Variants in CXXC1 observed in about 807,000 individuals in gnomAD.
The protein encoded by CXXC1 is CXXC-type zinc finger protein 1.
CXXC1 carries 21 observed loss-of-function variants against 83.6 expected under a neutral mutation model. The observed-to-expected ratio is 0.25, with a 90% confidence interval of 0.18 to 0.36. The LOEUF (loss-of-function observed/expected upper bound fraction) is 0.36. Among genes scored for constraint, CXXC1 ranks in the 10% least tolerant of loss-of-function variants. CXXC1 has a pLI of 1.00. For synonymous variants in CXXC1, 371 were observed against 337.5 expected, an observed-to-expected ratio of 1.10 and a Z score of -1.09; for missense variants, 688 against 919.5, an observed-to-expected ratio of 0.75 and a Z score of 3.26.
In CXXC1 at chr18:50,283,881, C is replaced by A. The variant is rs3819217; in HGVS notation, c.1413+13G>T. ...AGTACAGGCCCTGCTCTGCTGCGCCCCTGCTTGCTCACCTCCTCATCCTCG... is the reference window on the plus strand; with the variant it reads ...AGTACAGGCCCTGCTCTGCTGCGCCACTGCTTGCTCACCTCCTCATCCTCG... On this transcript the variant is annotated intron_variant, in intron 10 of 14. Transcript: ENST00000285106. 3.1e-6 allele frequency: 5 copies of A among 1,613,820 alleles called. No individual in the cohort carries two copies. The highest frequency in any genetic ancestry group is 1.7e-5 in the Admixed American group (1 of 60,010).
chr18:50,282,548 T>TC lies in CXXC1; in HGVS notation c.*44dup. On this transcript the variant is annotated 3_prime_UTR_variant, in exon 15 of 15. Transcript: ENST00000285106. This position sits in a 1 kb window ranked among gnomAD's most constrained non-coding sequence, Gnocchi z 5.8. ...AACGGACACACGGGCACCGGGCGGCTCCCCCATCTGGAATGCAGGGTGTAA... is the reference window on the plus strand; with the variant it reads ...AACGGACACACGGGCACCGGGCGGCTCCCCCCATCTGGAATGCAGGGTGTAA... 1.3e-6 allele frequency: 2 copies of TC among 1,595,402 alleles called. No individual in the cohort carries two copies. The highest frequency in any genetic ancestry group is 1.7e-6 in the Non-Finnish European group (2 of 1,176,384).
chr18:50,283,681 G>A (rs765769723), intron 11 of CXXC1, 24 bp downstream of exon 11: 22 of 1,610,942 alleles, frequency 1.4e-5, no homozygotes, highest in South Asian at 7.7e-5. Context: ...CACATGGTCC[G>A]CCCCCTCAGT....
Position 50,283,821 on chromosome 18 carries a change from T to C in CXXC1, c.1414-6A>G. Reference sequence around the variant, plus strand: ...TCACTGTCACCCTCGTTGCTCTGCATGGAATGGAAGGAACAATAAGGCTGG... The same window carrying C: ...TCACTGTCACCCTCGTTGCTCTGCACGGAATGGAAGGAACAATAAGGCTGG... On this transcript the variant is annotated splice_polypyrimidine_tract_variant and splice_region_variant and intron_variant, in intron 10 of 14. Coordinates refer to ENST00000285106, the MANE Select transcript of CXXC1 (RefSeq NM_014593.4). 1 of 1,614,116 alleles carries C rather than the reference T, an allele frequency of 6.2e-7. No homozygotes were observed. The highest frequency in any genetic ancestry group is 1.1e-5 in the South Asian group (1 of 91,086).
rs1422762733 is a variant in CXXC1, at chr18:50,283,815, T to G, written c.1414A>C (p.Ser472Arg). The stretch of plus-strand genomic sequence containing the variant: ...GTGTCATCACTGTCACCCTCGTTGC[T>G]CTGCATGGAATGGAAGGAACAATAA... ...KQQAVREDEE[S>R]NEGDSDDTDL... is the part of the protein sequence containing the mutation. The change falls in exon 11 of 15, where the codon AGC (serine) becomes CGC (arginine). Residue 472 changes from serine to arginine, a missense_variant and splice_region_variant. Physicochemically the swap from Ser to Arg is moderately radical, Grantham distance 110. Transcript: ENST00000285106. 6.2e-7 allele frequency: 1 copy of G among 1,614,172 alleles called. No homozygotes were observed. Among genetic ancestry groups the G allele is most frequent in the Admixed American group, 1.7e-5 (1 of 60,030 alleles).
At chr18:50,284,666 C>G (rs532077826) in intron 8 of CXXC1, 66 bp downstream of exon 8, 2 of 1,610,088 alleles carry the variant, frequency 1.2e-6, no homozygotes, top group East Asian at 2.2e-5. Flanking sequence ...CATTCAGCCT[C>G]TGACCTCTGC....
intron 1 of CXXC1, 69 bp downstream of exon 1, chr18:50,287,518 C>T: frequency 1.9e-6 from 3 of 1,587,144 alleles, no homozygotes; most frequent in Non-Finnish European, 2.6e-6. Context: ...CCTGAGTCGG[C>T]CGACAGACCC....
chr18:50,286,843 C>A lies in CXXC1; in HGVS notation c.19G>T (p.Asp7Tyr). 6.2e-7 allele frequency: 1 copy of A among 1,613,112 alleles called. No homozygotes were observed. Among genetic ancestry groups the A allele is most frequent in the Non-Finnish European group, 8.5e-7 (1 of 1,179,154 alleles). ...TCCCCGGCATCTGGAGGCTCTGGGT[C>A]TGAACCATCTCCCTCCTGCAGGACA... is the stretch of plus-strand genomic sequence containing the variant. Reference protein sequence around the residue: MEGDGSDPEPPDAGEDS... With the variant: MEGDGSYPEPPDAGEDS... Residue 7 changes from aspartate (D) to tyrosine (Y), a missense_variant, in exon 2 of 15, where the codon GAC becomes TAC. Around this residue, in one of 9 missense-constraint regions of CXXC1, gnomAD observed 51 missense variants for 48.0 expected, o/e 1.06. Transcript: ENST00000285106.
At position 50,285,732 on chromosome 18, in the gene CXXC1, G is replaced by A; in HGVS notation, c.639+17C>T. 6.2e-7 allele frequency: 1 copy of A among 1,609,454 alleles called. No homozygotes were observed. Among genetic ancestry groups the A allele is most frequent in the South Asian group, 1.1e-5 (1 of 90,998 alleles). On this transcript the variant is annotated intron_variant, in intron 5 of 14. Coordinates refer to ENST00000285106, the MANE Select transcript of CXXC1 (RefSeq NM_014593.4). The surrounding 1 kb of genome is among the most constrained non-coding windows in gnomAD (Gnocchi z 4.4). ...GCTCTCCCACACCTGACCCTACCCAGCTCTGTCCATGCTCACCCGGGCCCG... is the reference window on the plus strand; with the variant it reads ...GCTCTCCCACACCTGACCCTACCCAACTCTGTCCATGCTCACCCGGGCCCG...
At position 50,286,785 on chromosome 18, in the gene CXXC1, G is replaced by A; in HGVS notation, c.77C>T (p.Pro26Leu). Residue 26 changes from proline (P) to leucine (L), a missense_variant, in exon 2 of 15, where the codon CCC (proline) becomes CTC (leucine). By Grantham distance (98) the Pro-to-Leu change is moderately conservative. This residue lies in a region of CXXC1 where 51 missense variants were observed against 48.0 expected (regional missense o/e 1.06). Coordinates refer to ENST00000285106, the MANE Select transcript of CXXC1 (RefSeq NM_014593.4). ...DSKSENGENA[P>L]IYCICRKPDI... ...CGGTTTGCGGCAGATGCAGTAGATG[G>A]GCGCATTCTCCCCATTCTCGGACTT... 1.2e-6 allele frequency: 2 copies of A among 1,614,122 alleles called. No homozygotes were observed. Among genetic ancestry groups the A allele is most frequent in the Non-Finnish European group, 1.7e-6 (2 of 1,179,998 alleles).
Position 50,286,864 on chromosome 18 carries a change from G to A in CXXC1, c.4-6C>T, listed in dbSNP as rs1203121946. On this transcript the variant is annotated splice_polypyrimidine_tract_variant and splice_region_variant and intron_variant, in intron 1 of 14. Transcript: ENST00000285106. ...GGGTCTGAACCATCTCCCTCCTGCA[G>A]GACACCCCCATTACGGATCCTTAAG... 3 of 1,597,000 alleles carry A rather than the reference G, an allele frequency of 1.9e-6. No individual in the cohort carries two copies. The highest frequency in any genetic ancestry group is 1.7e-5 in the Admixed American group (1 of 59,974).
chr18:50,282,445 A>T lies in CXXC1; in HGVS notation c.*148T>A. The T allele has an allele frequency of 1.0e-6, 1 of 985,850 alleles. No homozygotes were observed. Among genetic ancestry groups the T allele is most frequent in the Non-Finnish European group, 1.5e-6 (1 of 647,718 alleles). 61.1% of individuals were successfully genotyped at this position (985,850 alleles called of 1,614,324 possible). Reference sequence around the variant, plus strand: ...AGGCACTGAACATGTCGACGGGGACAGTCCCTCTGATAAAGGCAGATGGGC... The same window carrying T: ...AGGCACTGAACATGTCGACGGGGACTGTCCCTCTGATAAAGGCAGATGGGC... On this transcript the variant is annotated 3_prime_UTR_variant, in exon 15 of 15. Transcript: ENST00000285106. This position sits in a 1 kb window ranked among gnomAD's most constrained non-coding sequence, Gnocchi z 5.8.
chr18:50,283,854 A>G (rs770233084), intron 10 of CXXC1, 39 bp from the exon 11 acceptor site: 1 of 1,614,042 alleles, frequency 6.2e-7, no homozygotes, highest in South Asian at 1.1e-5. Flanking sequence ...TGGGAAGGAC[A>G]AAGTACAGGC....
At chr18:50,284,710 TC>T in intron 8 of CXXC1, 21 bp downstream of exon 8, 1 of 1,611,358 alleles carries the variant, frequency 6.2e-7, no homozygotes, top group Middle Eastern at 1.6e-4. Context: ...CCTTTCCACA[TC>T]CACTTTACCC....
chr18:50,282,845 G>A lies in CXXC1; in HGVS notation c.1824+9C>T. 6.2e-7 allele frequency: 1 copy of A among 1,614,048 alleles called. No homozygotes were observed. The highest frequency in any genetic ancestry group is 8.5e-7 in the Non-Finnish European group (1 of 1,179,918). ...CCACATGCAGCACCAAAACCGCACA[G>A]AAACCTACCACACGCACGCGCTCCA... is the stretch of plus-strand genomic sequence containing the variant. On this transcript the variant is annotated intron_variant, in intron 14 of 14. Transcript: ENST00000285106. This position sits in a 1 kb window ranked among gnomAD's most constrained non-coding sequence, Gnocchi z 5.8.
Position 50,285,068 on chromosome 18 carries a change from C to T in CXXC1, c.846G>A (p.Glu282=). 6.2e-7 allele frequency: 1 copy of T among 1,614,234 alleles called. No homozygotes were observed. The highest frequency in any genetic ancestry group is 8.5e-7 in the Non-Finnish European group (1 of 1,180,038). Residue 282 remains glutamate (E), a synonymous_variant, in exon 7 of 15, where the codon GAG becomes GAA. Coordinates refer to ENST00000285106, the MANE Select transcript of CXXC1 (RefSeq NM_014593.4). This position sits in a 1 kb window ranked among gnomAD's most constrained non-coding sequence, Gnocchi z 4.4. ...ACAGGTCAGGATCCAGAGGTAGGTC[C>T]TCATCTGAGAGTGGCTCAGGTGTGG... is the stretch of plus-strand genomic sequence containing the variant. ...ATATPEPLSD[E]DLPLDPDLYQ...
At position 50,285,562 on chromosome 18, in the gene CXXC1, G is replaced by A. The variant is rs2040700299; in HGVS notation, c.639+187C>T. ...CACTCTGTCTACCCAGGGTTGGTGG[G>A]GGTGTTCTGCCAGCCCAGCATACCA... On this transcript the variant is annotated intron_variant, in intron 5 of 14. Transcript: ENST00000285106. This position sits in a 1 kb window ranked among gnomAD's most constrained non-coding sequence, Gnocchi z 4.4. 5.2e-6 allele frequency: 5 copies of A among 962,254 alleles called. No homozygotes were observed. The highest frequency in any genetic ancestry group is 1.7e-5 in the South Asian group (1 of 59,860). 59.6% of individuals were successfully genotyped at this position (962,254 alleles called of 1,614,324 possible).
intron 1 of CXXC1, chr18:50,287,197 G>C: frequency 1.9e-6 from 1 of 512,944 alleles, no homozygotes; most frequent in South Asian, 2.4e-5. Flanking sequence ...ACCCCTCCCT[G>C]TTTATCTCAT....
intron 1 of CXXC1, 54 bp from the exon 2 acceptor site, chr18:50,286,912 TCCC>T (rs1432188200): frequency 1.6e-6 from 2 of 1,240,126 alleles, no homozygotes; most frequent in Non-Finnish European, 2.4e-6. Context: ...TGGCGGCTCA[TCCC>T]CCCATTACAA....
Position 50,285,690 on chromosome 18 carries a change from C to T in CXXC1, c.639+59G>A, listed in dbSNP as rs1403546669. ...TTATCCATGCCTAGACTTAACTAAC[C>T]ATGCATGGACCCACCAGCTCTCCCA... is the stretch of plus-strand genomic sequence containing the variant. On this transcript the variant is annotated intron_variant, in intron 5 of 14. Coordinates refer to ENST00000285106, the MANE Select transcript of CXXC1 (RefSeq NM_014593.4). The surrounding 1 kb of genome is among the most constrained non-coding windows in gnomAD (Gnocchi z 4.4). 8.9e-6 allele frequency: 14 copies of T among 1,574,964 alleles called. No individual in the cohort carries two copies. The highest frequency in any genetic ancestry group is 4.0e-5 in the African/African-American group (3 of 74,406).
Sources: gnomAD v4.1 joint callset for allele counts on GRCh38, gnomAD v4.1.1 for gene constraint, gnomAD v4.1.1 regional missense constraint, Gnocchi (gnomAD v3.1) non-coding constraint, MANE v1.5 for transcripts, NCBI Gene and HGNC (gene_info 2026-07-23, HGNC 2026-07-21) for gene names.